The following ATP11A variants were observed in gnomAD, a reference collection of about 807,000 sequenced individuals.
ATP11A encodes phospholipid-transporting ATPase IH.
ATP11A carries 81 observed loss-of-function variants against 154.4 expected under a neutral mutation model. The ratio of observed to expected loss-of-function variants is 0.52; its 90% CI spans 0.44 to 0.63. The LOEUF (loss-of-function observed/expected upper bound fraction) is 0.63. ATP11A is among the 30% of genes least tolerant of loss of function. ATP11A has a pLI of 0.00. For synonymous variants in ATP11A, 623 were observed against 585.9 expected, an observed-to-expected ratio of 1.06 and a Z score of -0.91; for missense variants, 1,316 against 1,474.3, an observed-to-expected ratio of 0.89 and a Z score of 1.76.
At chr13:112,799,254 G>T (rs935269842) in intron 2 of ATP11A, among the ~76,000 whole-genome samples, 1 of 152,212 alleles carries the variant, frequency 6.6e-6, no homozygotes, top group African/African-American at 2.4e-5. Context: ...GTAAGGACAC[G>T]GTTGAACTGA....
At chr13:112,701,184 T>C (rs188166) in intron 1 of ATP11A, among the ~76,000 whole-genome samples, 125,767 of 152,118 alleles carry the variant, frequency 0.83, 52,518 homozygotes, top group East Asian at 0.95. Context: ...GATTTCTCCA[T>C]GTCCCCTGCA....
At chr13:112,778,016 C>T (rs1470493653) in intron 1 of ATP11A, among the ~76,000 whole-genome samples, 3 of 152,258 alleles carry the variant, frequency 2.0e-5, no homozygotes, top group Non-Finnish European at 1.5e-5. Flanking sequence ...AGGCATGCTG[C>T]GTCCATTTTA....
rs181834215 is a variant in ATP11A, at chr13:112,761,048, C to T, written c.40-24087C>T. On this transcript the variant is annotated intron_variant, in intron 1 of 29. Coordinates refer to ENST00000375645, the MANE Select transcript of ATP11A (RefSeq NM_015205.3). Reference sequence around the variant, plus strand: ...CTGGGGAGCGTGGTGAAACCTGGCTCCGCCTGCTCCATCGCTCCAGGGACT... The same window carrying T: ...CTGGGGAGCGTGGTGAAACCTGGCTTCGCCTGCTCCATCGCTCCAGGGACT... Among the ~76,000 whole-genome samples the T allele has an allele frequency of 6.6e-4, 100 of 152,328 alleles. 2 individuals carry two copies. Among genetic ancestry groups the T allele is most frequent in the African/African-American group, 2.2e-3 (93 of 41,572 alleles).
At chr13:112,763,182 G>A (rs2077000388) in intron 1 of ATP11A, among the ~76,000 whole-genome samples, 1 of 152,186 alleles carries the variant, frequency 6.6e-6, no homozygotes, top group Non-Finnish European at 1.5e-5. Context: ...TATAACAACA[G>A]CTATTACGTT....
chr13:112,780,688 A>C (rs756975230), intron 1 of ATP11A, among the ~76,000 whole-genome samples: 6 of 151,976 alleles, frequency 3.9e-5, no homozygotes, highest in Non-Finnish European at 8.8e-5. Flanking sequence ...GTAGATTTTT[A>C]CTTCAGCTGG....
At chr13:112,756,614 C>A (rs892719637) in intron 1 of ATP11A, among the ~76,000 whole-genome samples, 8 of 152,240 alleles carry the variant, frequency 5.3e-5, no homozygotes, top group African/African-American at 1.9e-4. Flanking sequence ...CCGCTGGTGG[C>A]GGCTGAGCTC....
chr13:112,842,782 G>A (rs1045886913), intron 17 of ATP11A, among the ~76,000 whole-genome samples: 1 of 152,252 alleles, frequency 6.6e-6, no homozygotes, highest in African/African-American at 2.4e-5. Context: ...GTTTTCTGTT[G>A]TGACATCACC....
rs200869077 is a variant in ATP11A at position 112,832,991 on chromosome 13, C to T, written c.1527C>T (p.Pro509=). ...GKSCVYISSS[P]DEVALVEGVQ... ...CCTGTGTGTACATCTCATCCTCGCCCGACGAGGTGGCGCTGGTCGAAGGTG... is the reference window on the plus strand; with the variant it reads ...CCTGTGTGTACATCTCATCCTCGCCTGACGAGGTGGCGCTGGTCGAAGGTG... Residue 509 remains proline (P), a synonymous_variant, in exon 14 of 30, where the codon CCC becomes CCT. Transcript: ENST00000375645. 62 of 1,613,364 alleles carry T rather than the reference C, an allele frequency of 3.8e-5. 1 individual carries two copies. Among genetic ancestry groups the T allele is most frequent in the South Asian group, 2.0e-4 (18 of 91,030 alleles).
At chr13:112,794,732 G>T (rs149507159) in intron 2 of ATP11A, among the ~76,000 whole-genome samples, 1 of 152,112 alleles carries the variant, frequency 6.6e-6, no homozygotes, top group South Asian at 2.1e-4. Context: ...ACTGCGTGTG[G>T]TGGCGGGCGC....
In ATP11A at chr13:112,806,227, A is replaced by T. The variant is rs1205186802; in HGVS notation, c.267A>T (p.Thr89=). The change falls in exon 4 of 30, where the codon ACA becomes ACT. Residue 89 remains threonine (T), a synonymous_variant. Coordinates refer to ENST00000375645, the MANE Select transcript of ATP11A (RefSeq NM_015205.3). ...TCTTTCTGCAGTTGATTATTGATAC[A>T]CCCACAAGTCCAGTGACAAGCGGAC... ...IIFLVQLIID[T]PTSPVTSGLP... 6.2e-7 allele frequency: 1 copy of T among 1,612,414 alleles called. No individual in the cohort carries two copies. The highest frequency in any genetic ancestry group is 8.5e-7 in the Non-Finnish European group (1 of 1,179,186).
intron 1 of ATP11A, among the ~76,000 whole-genome samples, chr13:112,763,680 C>T (rs1014701122): frequency 2.0e-5 from 3 of 152,152 alleles, no homozygotes; most frequent in Admixed American, 1.3e-4. Flanking sequence ...CCTTGGCTTC[C>T]ACGACCTCCT....
intron 17 of ATP11A, among the ~76,000 whole-genome samples, chr13:112,842,697 T>A (rs1171717024): frequency 6.6e-6 from 1 of 152,252 alleles, no homozygotes; most frequent in Non-Finnish European, 1.5e-5. Context: ...AGCACGTTTG[T>A]GGTTATTGTA....
intron 8 of ATP11A, 78 bp downstream of exon 8, chr13:112,820,028 T>C (rs1002567801): frequency 7.2e-7 from 1 of 1,387,038 alleles, no homozygotes; most frequent in African/African-American, 1.5e-5. Flanking sequence ...CGGACAAGGG[T>C]TTCCACGGCG....
At chr13:112,781,818 G>C (rs2077508711) in intron 1 of ATP11A, among the ~76,000 whole-genome samples, 1 of 138,244 alleles carries the variant, frequency 7.2e-6, no homozygotes, top group Non-Finnish European at 1.6e-5. Context: ...TTGAACATTT[G>C]TGGAGAATAC....
chr13:112,799,166 G>A (rs920778752), intron 2 of ATP11A, among the ~76,000 whole-genome samples: 3 of 152,310 alleles, frequency 2.0e-5, no homozygotes, highest in African/African-American at 4.8e-5. Flanking sequence ...AGGCAAAAAC[G>A]GATAGAACTG....
At chr13:112,839,474 A>AC (rs1242062201) in intron 16 of ATP11A, among the ~76,000 whole-genome samples, 3 of 151,668 alleles carry the variant, frequency 2.0e-5, no homozygotes, top group Non-Finnish European at 4.4e-5. Flanking sequence ...ACAGTGAAAG[A>AC]CCCCCCACCA....
At chr13:112,712,123 G>C (rs1045452146) in intron 1 of ATP11A, among the ~76,000 whole-genome samples, 5 of 152,154 alleles carry the variant, frequency 3.3e-5, no homozygotes, top group Non-Finnish European at 5.9e-5. Context: ...GCTCCCACGT[G>C]TTTTCCCCGT....
Position 112,806,258 on chromosome 13 carries a change from CTCT to C in ATP11A, c.303_305del (p.Phe102del). The C allele has an allele frequency of 6.2e-7, 1 of 1,613,694 alleles. No homozygotes were observed. The highest frequency in any genetic ancestry group is 8.5e-7 in the Non-Finnish European group (1 of 1,179,758). On this transcript the variant is annotated inframe_deletion, in exon 4 of 30. Transcript: ENST00000375645. ...AAGTCCAGTGACAAGCGGACTTCCA[CTCT>C]TCTTTGTCATTACTGTGACGGCTAT...
intron 1 of ATP11A, among the ~76,000 whole-genome samples, chr13:112,772,079 C>T (rs747209763): frequency 6.6e-6 from 1 of 152,154 alleles, no homozygotes; most frequent in South Asian, 2.1e-4. Flanking sequence ...TGTGTCCTTA[C>T]CTGGTTGGAT....
Sources: allele counts gnomAD v4.1 joint callset (sites outside exome capture counted in the v4.1 genomes callset), GRCh38; gene constraint gnomAD v4.1.1; transcripts MANE v1.5; gene names NCBI Gene and HGNC (gene_info 2026-07-23, HGNC 2026-07-21).